The following OSBP2 variants were observed in gnomAD, a reference collection of about 807,000 sequenced individuals.
OSBP2 encodes the protein oxysterol binding protein 2, also known as oxysterol-binding protein 2.
Under a neutral mutation model 96.0 loss-of-function variants are expected in OSBP2, and 66 were observed. The ratio of observed to expected loss-of-function variants is 0.69; its 90% CI spans 0.56 to 0.84. The LOEUF is 0.84. OSBP2 is among the 40% of genes least tolerant of loss of function. The pLI, the probability that OSBP2 is intolerant of heterozygous loss-of-function variation, is 0.00. For synonymous variants in OSBP2, 525 were observed against 520.9 expected, an observed-to-expected ratio of 1.01 and a Z score of -0.11; for missense variants, 1,038 against 1,222.7, an observed-to-expected ratio of 0.85 and a Z score of 2.25.
chr22:30,726,361 T>C (rs1435295522), intron 1 of OSBP2, among the ~76,000 whole-genome samples: 2 of 152,204 alleles, frequency 1.3e-5, no homozygotes, highest in Non-Finnish European at 2.9e-5. Flanking sequence ...GAAGCTATCA[T>C]TCTCAGCATT....
intron 1 of OSBP2, among the ~76,000 whole-genome samples, chr22:30,713,761 C>A (rs1008335381): frequency 6.6e-6 from 1 of 152,150 alleles, no homozygotes; most frequent in African/African-American, 2.4e-5. Flanking sequence ...TTACAGTCAA[C>A]CTAAAATTGT....
chr22:30,820,392 A>G (rs988454871), intron 2 of OSBP2, among the ~76,000 whole-genome samples: 5 of 151,604 alleles, frequency 3.3e-5, no homozygotes, highest in Non-Finnish European at 7.4e-5. Context: ...CCATCTCTAA[A>G]AAAAAAATAA....
chr22:30,715,603 G>C (rs1487959750), intron 1 of OSBP2, among the ~76,000 whole-genome samples: 1 of 151,088 alleles, frequency 6.6e-6, no homozygotes, highest in Admixed American at 6.6e-5. Context: ...CCAGGCTGGA[G>C]TGCAATGGCG....
chr22:30,865,198 C>T (rs915168770), intron 2 of OSBP2, among the ~76,000 whole-genome samples: 1 of 152,152 alleles, frequency 6.6e-6, no homozygotes, highest in African/African-American at 2.4e-5. Context: ...TGAGGGGGTG[C>T]CCTGTGGCCT....
rs373182115 is a variant in OSBP2, at chr22:30,822,601, C to T, written c.854-47828C>T. On this transcript the variant is annotated intron_variant, in intron 2 of 13. Coordinates refer to ENST00000332585, the MANE Select transcript of OSBP2 (RefSeq NM_030758.4). Reference sequence around the variant, plus strand: ...CGGGACCCGGCGCCATGTAGCGCCCCGCCGATTGGAGGCTGCCCCGCCGCG... The same window carrying T: ...CGGGACCCGGCGCCATGTAGCGCCCTGCCGATTGGAGGCTGCCCCGCCGCG... The T allele has an allele frequency of 1.3e-5, 20 of 1,524,754 alleles. No homozygotes were observed. The African/African-American group carries it at 1.8e-4, about 14-fold the overall frequency. The allele number at this position is 1,524,754 out of a possible 1,614,324, so 94.5% of individuals were successfully genotyped here.
At chr22:30,729,417 C>G (rs1377459289) in intron 1 of OSBP2, among the ~76,000 whole-genome samples, 1 of 152,186 alleles carries the variant, frequency 6.6e-6, no homozygotes, top group African/African-American at 2.4e-5. Flanking sequence ...GTGGGAGGAT[C>G]ACCTGGGGTC....
chr22:30,795,462 A>G (rs1350272095), intron 2 of OSBP2, among the ~76,000 whole-genome samples: 6 of 149,020 alleles, frequency 4.0e-5, no homozygotes, highest in Non-Finnish European at 8.9e-5. Flanking sequence ...GTCTTTATGC[A>G]CTCTTCTATC....
intron 1 of OSBP2, among the ~76,000 whole-genome samples, chr22:30,707,152 A>C (rs2089267630): frequency 6.6e-6 from 1 of 151,914 alleles, no homozygotes; most frequent in Non-Finnish European, 1.5e-5. Flanking sequence ...TCTGGAGTGC[A>C]GTGGCGTGAT....
intron 2 of OSBP2, among the ~76,000 whole-genome samples, chr22:30,782,969 A>G (rs140366945): frequency 3.9e-5 from 6 of 152,250 alleles, no homozygotes; most frequent in African/African-American, 1.4e-4. Context: ...CCTGATGAGC[A>G]ATACTTATTT....
chr22:30,810,778 T>G (rs1412802161), intron 2 of OSBP2, among the ~76,000 whole-genome samples: 3 of 152,126 alleles, frequency 2.0e-5, no homozygotes, highest in African/African-American at 7.2e-5. Context: ...GCCTGCCAGG[T>G]TGGTCTGTGT....
intron 2 of OSBP2, among the ~76,000 whole-genome samples, chr22:30,795,296 T>C (rs964630246): frequency 1.3e-5 from 2 of 152,146 alleles, no homozygotes; most frequent in East Asian, 3.9e-4. Context: ...TTGGGTCTCA[T>C]TGAGCTTCTT....
rs2088994885 is a variant in OSBP2 at position 30,694,888 on chromosome 22, C to T, written c.-22C>T. 1 of 1,209,560 alleles carries T rather than the reference C, an allele frequency of 8.3e-7. No individual in the cohort carries two copies. Among genetic ancestry groups the T allele is most frequent in the Non-Finnish European group, 1.1e-6 (1 of 946,416 alleles). The allele number at this position is 1,209,560 out of a possible 1,614,324, so 74.9% of individuals were successfully genotyped here. A position where few individuals can be genotyped will look rare whatever the true frequency, so the allele number is the denominator to read the frequency against. On this transcript the variant is annotated 5_prime_UTR_variant, in exon 1 of 14. Coordinates refer to ENST00000332585, the MANE Select transcript of OSBP2 (RefSeq NM_030758.4). ...CCCCCGCCCCCACTGGCCGCTCGGC[C>T]GCGCGCGGGTCGGCCGGCTCTATGG...
intron 9 of OSBP2, 108 bp from the exon 10 acceptor site, chr22:30,893,355 C>T (rs1482635988): frequency 6.5e-7 from 1 of 1,540,964 alleles, no homozygotes; most frequent in Non-Finnish European, 9.0e-7. Context: ...CCCTGTAGGC[C>T]TGCCTCTTCA....
chr22:30,902,709 A>G, intron 12 of OSBP2: 1 of 502,028 alleles, frequency 2.0e-6, no homozygotes. Flanking sequence ...TCAATGAAGT[A>G]GCCGATCCCA....
At chr22:30,874,587 C>A (rs2039537320) in intron 3 of OSBP2, among the ~76,000 whole-genome samples, 1 of 152,176 alleles carries the variant, frequency 6.6e-6, no homozygotes, top group Non-Finnish European at 1.5e-5. Flanking sequence ...GTGGTGCAGG[C>A]CCATTCCACG....
intron 2 of OSBP2, among the ~76,000 whole-genome samples, chr22:30,819,454 A>G (rs1160486583): frequency 6.6e-6 from 1 of 152,212 alleles, no homozygotes; most frequent in Admixed American, 6.5e-5. Flanking sequence ...TGGAGCTGTT[A>G]GAAGAACCCA....
intron 3 of OSBP2, among the ~76,000 whole-genome samples, chr22:30,874,744 C>A (rs528311857): frequency 6.6e-6 from 1 of 152,260 alleles, no homozygotes; most frequent in Non-Finnish European, 1.5e-5. Flanking sequence ...CAACCCCCCA[C>A]GCCTTTACCA....
At chr22:30,704,695 A>T (rs1329428300) in intron 1 of OSBP2, among the ~76,000 whole-genome samples, 3 of 151,974 alleles carry the variant, frequency 2.0e-5, no homozygotes, top group Non-Finnish European at 4.4e-5. Context: ...CGAACTCCTG[A>T]CCTCAGGTGA....
chr22:30,865,265 G>A lies in OSBP2; in HGVS notation c.854-5164G>A, dbSNP rs546866462. The stretch of plus-strand genomic sequence containing the variant: ...AGGAGATCCCTGAGTGGGGAATGGG[G>A]TGTGGGGGCACAGTAAACAAACAGG... On this transcript the variant is annotated intron_variant, in intron 2 of 13. Transcript: ENST00000332585. Among the ~76,000 whole-genome samples the A allele has an allele frequency of 4.6e-5, 7 of 152,288 alleles. No individual in the cohort carries two copies. The South Asian group carries it at 1.2e-3, about 27-fold the overall frequency.
Sources: gnomAD v4.1 joint callset for allele counts (sites outside exome capture counted in the v4.1 genomes callset) on GRCh38, gnomAD v4.1.1 for gene constraint, MANE v1.5 for transcripts, NCBI Gene and HGNC (gene_info 2026-07-23, HGNC 2026-07-21) for gene names.